NUDT3: variants seen among roughly 807,000 people sequenced by gnomAD.
NUDT3 encodes the protein diphosphoinositol polyphosphate phosphohydrolase 1.
NUDT3 carries 9 observed loss-of-function variants against 23.6 expected under a neutral mutation model. That is an observed-to-expected ratio of 0.38 (90% CI 0.23 to 0.66). The LOEUF is 0.66. NUDT3 is among the 30% of genes least tolerant of loss of function. The pLI is 0.52. For synonymous variants in NUDT3, 86 were observed against 82.6 expected (o/e 1.04, Z -0.22); for missense variants, 172 against 218.5 (o/e 0.79, Z 1.34).
intron 2 of NUDT3, 95 bp downstream of exon 2, chr6:34,341,767 T>C: frequency 9.5e-7 from 1 of 1,057,392 alleles, no homozygotes; most frequent in Non-Finnish European, 1.3e-6. Context: ...TGACTGTATA[T>C]TTATTCAGTG....
chr6:34,388,707 A>G (rs1289107982), intron 1 of NUDT3, among the ~76,000 whole-genome samples: 1 of 152,238 alleles, frequency 6.6e-6, no homozygotes, highest in Admixed American at 6.5e-5. Context: ...GCTAATATTT[A>G]GATTCTCCAT....
At chr6:34,300,592 T>C (rs1763584041) in intron 2 of NUDT3, among the ~76,000 whole-genome samples, 1 of 152,224 alleles carries the variant, frequency 6.6e-6, no homozygotes, top group Non-Finnish European at 1.5e-5. Context: ...CCTTGTCAAG[T>C]GGGGATGTGA....
intron 1 of NUDT3, among the ~76,000 whole-genome samples, chr6:34,347,141 A>G (rs1764384509): frequency 1.3e-5 from 2 of 152,212 alleles, no homozygotes; most frequent in Admixed American, 1.3e-4. Context: ...TGTTCTGTTC[A>G]GTAAATTCTT....
In NUDT3 at chr6:34,371,036, G is replaced by A. The variant is rs1377407671; in HGVS notation, c.99+21228C>T. ...TAAGGCAGGAGAATCGCTTGAACCC[G>A]GGAGGCAGAGGTTGCAGTGAACCGA... On this transcript the variant is annotated intron_variant, in intron 1 of 4. Transcript: ENST00000607016. Among the ~76,000 whole-genome samples, 9 of 150,302 alleles carry A rather than the reference G, an allele frequency of 6.0e-5. 1 individual carries two copies. Among genetic ancestry groups the A allele is most frequent in the African/African-American group, 1.5e-4 (6 of 40,862 alleles).
chr6:34,356,045 G>A (rs1374526397), intron 1 of NUDT3, among the ~76,000 whole-genome samples: 6 of 152,244 alleles, frequency 3.9e-5, no homozygotes, highest in Middle Eastern at 3.4e-3. Context: ...CAGGAGCCAC[G>A]AAGGGACTGT....
intron 4 of NUDT3, among the ~76,000 whole-genome samples, chr6:34,292,833 C>T (rs938224223): frequency 6.6e-6 from 1 of 152,156 alleles, no homozygotes; most frequent in Non-Finnish European, 1.5e-5. Context: ...GGCCCTCAAT[C>T]AGTATCTGCT....
In NUDT3 at chr6:34,342,288, TCAAAA is replaced by T. The variant is rs1362013773; in HGVS notation, c.100-321_100-317del. Among the ~76,000 whole-genome samples the T allele has an allele frequency of 1.8e-4, 10 of 54,542 alleles. No individual in the cohort carries two copies. The East Asian group carries it at 2.6e-3, about 14-fold the overall frequency. 35.8% of individuals were successfully genotyped at this position (54,542 alleles called of 152,430 possible). ...GACCTGACAAGGTGAATAGAAGACTTCAAAAAAAAAAAAAAAAAAAAAAAAAGAGG... is the reference window on the plus strand; with the variant it reads ...GACCTGACAAGGTGAATAGAAGACTTAAAAAAAAAAAAAAAAAAAAAGAGG... On this transcript the variant is annotated intron_variant, in intron 1 of 4. Coordinates refer to ENST00000607016, the MANE Select transcript of NUDT3 (RefSeq NM_006703.4).
intron 2 of NUDT3, among the ~76,000 whole-genome samples, chr6:34,301,612 G>C (rs181647151): frequency 6.6e-6 from 1 of 152,386 alleles, no homozygotes; most frequent in East Asian, 1.9e-4. Context: ...CTGTGTGAGA[G>C]CATAGCCAAG....
chr6:34,309,655 A>G (rs1202514835), intron 2 of NUDT3, among the ~76,000 whole-genome samples: 4 of 152,076 alleles, frequency 2.6e-5, no homozygotes, highest in Non-Finnish European at 4.4e-5. Flanking sequence ...TGTTTAAAAT[A>G]TGTAATAAAA....
At chr6:34,303,123 C>G (rs2113702874) in intron 2 of NUDT3, among the ~76,000 whole-genome samples, 1 of 151,292 alleles carries the variant, frequency 6.6e-6, no homozygotes, top group Admixed American at 6.6e-5. Context: ...CCTTGACCTG[C>G]TGGGCTCAAG....
chr6:34,349,027 A>T (rs1298358571), intron 1 of NUDT3, among the ~76,000 whole-genome samples: 2 of 152,042 alleles, frequency 1.3e-5, no homozygotes, highest in African/African-American at 2.4e-5. Flanking sequence ...TTTTATTTTT[A>T]AAATAATATA....
At chr6:34,350,957 C>A (rs527425799) in intron 1 of NUDT3, among the ~76,000 whole-genome samples, 1 of 150,184 alleles carries the variant, frequency 6.7e-6, no homozygotes, top group African/African-American at 2.5e-5. Flanking sequence ...TCCACAGATA[C>A]AAACTATTAC....
chr6:34,332,699 C>A (rs997845134), intron 2 of NUDT3, among the ~76,000 whole-genome samples: 1 of 152,146 alleles, frequency 6.6e-6, no homozygotes, highest in African/African-American at 2.4e-5. Flanking sequence ...TTATATAAGG[C>A]GCTTGAGCAT....
chr6:34,387,942 C>T (rs919276308), intron 1 of NUDT3, among the ~76,000 whole-genome samples: 2 of 152,046 alleles, frequency 1.3e-5, no homozygotes, highest in African/African-American at 4.8e-5. Flanking sequence ...ATTTACTCAC[C>T]GCTCACTCAC....
At chr6:34,289,780 T>TTA (rs1270326739) in intron 4 of NUDT3, among the ~76,000 whole-genome samples, 1 of 152,220 alleles carries the variant, frequency 6.6e-6, no homozygotes, top group African/African-American at 2.4e-5. Flanking sequence ...TTAAAATCCT[T>TTA]TATATTTTTT....
intron 2 of NUDT3, among the ~76,000 whole-genome samples, chr6:34,313,826 G>A (rs147583226): frequency 0.011 from 1,633 of 151,846 alleles, 30 homozygotes; most frequent in African/African-American, 0.037. Context: ...GGCCAAGCGC[G>A]GTGGCTCACG....
At chr6:34,330,829 A>T (rs778649898) in intron 2 of NUDT3, among the ~76,000 whole-genome samples, 3 of 152,194 alleles carry the variant, frequency 2.0e-5, no homozygotes, top group Non-Finnish European at 4.4e-5. Context: ...AAGAAAAGAA[A>T]ATACAAATGG....
chr6:34,345,759 T>C (rs1462902647), intron 1 of NUDT3, among the ~76,000 whole-genome samples: 2 of 151,696 alleles, frequency 1.3e-5, no homozygotes, highest in South Asian at 2.1e-4. Context: ...AGGTTATCCT[T>C]ACTTTTGTTT....
chr6:34,310,852 A>C (rs757940375), intron 2 of NUDT3, among the ~76,000 whole-genome samples: 1 of 152,172 alleles, frequency 6.6e-6, no homozygotes, highest in Admixed American at 6.5e-5. Flanking sequence ...GATGTTCAAT[A>C]ATCAATTAAT....
Sources: gnomAD v4.1 joint callset for allele counts (sites outside exome capture counted in the v4.1 genomes callset) on GRCh38, gnomAD v4.1.1 for gene constraint, MANE v1.5 for transcripts, NCBI Gene and HGNC (gene_info 2026-07-23, HGNC 2026-07-21) for gene names.